RIMKLB: variants seen among roughly 807,000 people sequenced by gnomAD.
RIMKLB encodes ribosomal modification protein rimK like family member B.
Under a neutral mutation model 32.0 loss-of-function variants are expected in RIMKLB, and 7 were observed. The observed-to-expected ratio is 0.22, with a 90% confidence interval of 0.12 to 0.41. The LOEUF is 0.41. RIMKLB is among the 10% of genes least tolerant of loss of function. The pLI is 1.00. For synonymous variants in RIMKLB, 172 were observed against 185.1 expected, an observed-to-expected ratio of 0.93 and a Z score of 0.57; for missense variants, 289 against 498.7, an observed-to-expected ratio of 0.58 and a Z score of 4.00.
At chr12:8,743,420 A>G (rs184290488) in intron 2 of RIMKLB, among the ~76,000 whole-genome samples, 15 of 151,574 alleles carry the variant, frequency 9.9e-5, no homozygotes, top group Non-Finnish European at 1.5e-4. Flanking sequence ...TCAAGGATGG[A>G]ATGAAAGTAA....
intron 2 of RIMKLB, among the ~76,000 whole-genome samples, chr12:8,736,211 TC>T (rs1261395081): frequency 1.3e-5 from 2 of 152,228 alleles, no homozygotes; most frequent in Non-Finnish European, 2.9e-5. Context: ...AAGTTTGGTG[TC>T]TGCTTGAAAA....
rs867607563 is a variant in RIMKLB, at chr12:8,708,569, C to T, written c.-56-5242C>T. Among the ~76,000 whole-genome samples, 6 of 152,122 alleles carry T rather than the reference C, an allele frequency of 3.9e-5. 1 individual carries two copies. The South Asian group carries it at 1.2e-3, about 31-fold the overall frequency. On this transcript the variant is annotated intron_variant, in intron 1 of 5. Coordinates refer to ENST00000535829, the MANE Select transcript of RIMKLB (RefSeq NM_001297776.2). Reference sequence around the variant, plus strand: ...AAATTTGATCCAGTAAGAAACAACACTAAGTTTTAGATCCCAGGATGTTGA... The same window carrying T: ...AAATTTGATCCAGTAAGAAACAACATTAAGTTTTAGATCCCAGGATGTTGA...
At chr12:8,770,327 C>A (rs1044821839) in intron 5 of RIMKLB, among the ~76,000 whole-genome samples, 4 of 152,166 alleles carry the variant, frequency 2.6e-5, no homozygotes, top group Non-Finnish European at 5.9e-5. Flanking sequence ...TCTCATTGAC[C>A]TTATATTCCA....
At chr12:8,686,418 C>T (rs1474696925) in intron 1 of RIMKLB, among the ~76,000 whole-genome samples, 1 of 152,042 alleles carries the variant, frequency 6.6e-6, no homozygotes, top group Non-Finnish European at 1.5e-5. Context: ...CTCCCCACCA[C>T]AGACGCGTGA....
rs118167610 is a variant in RIMKLB, at chr12:8,742,285, C to T, written c.176-7577C>T. On this transcript the variant is annotated intron_variant, in intron 2 of 5. Coordinates refer to ENST00000535829, the MANE Select transcript of RIMKLB (RefSeq NM_001297776.2). ...TTAGCCTAAAAAGTAGAAGGGAAAG[C>T]ATGTGGATTTTAATGCTTTTCATTT... 172 of 156,686 alleles carry T rather than the reference C, an allele frequency of 1.1e-3. 3 individuals carry two copies. The highest frequency in any genetic ancestry group is 1.8e-3 in the Admixed American group (28 of 15,448). 9.7% of individuals were successfully genotyped at this position (156,686 alleles called of 1,614,324 possible). A position where few individuals can be genotyped will look rare whatever the true frequency, so the allele number is the denominator to read the frequency against.
Position 8,734,394 on chromosome 12 carries a change from T to A in RIMKLB, c.176-15468T>A, listed in dbSNP as rs1338577380. Among the ~76,000 whole-genome samples the A allele has an allele frequency of 2.0e-5, 3 of 152,338 alleles. No homozygotes were observed. The East Asian group carries it at 5.8e-4, about 29-fold the overall frequency. ...AAAGGTATTTTGAAAGTAAATATAT[T>A]GGTTCTGGTGACCTATTGACGCTTA... On this transcript the variant is annotated intron_variant, in intron 2 of 5. Transcript: ENST00000535829.
chr12:8,676,251 T>A, the RIMKLB span, among the ~76,000 whole-genome samples: 811 of 152,124 alleles, frequency 5.3e-3, 11 homozygotes, highest in African/African-American at 0.019. Flanking sequence ...TTTTTGTATT[T>A]TTTGTAGAGA....
Position 8,750,994 on chromosome 12 carries a change from T to A in RIMKLB, c.406+902T>A, listed in dbSNP as rs764088446. Among the ~76,000 whole-genome samples the A allele has an allele frequency of 3.1e-3, 474 of 152,028 alleles. 6 individuals carry two copies. Among genetic ancestry groups the A allele is most frequent in the African/African-American group, 0.011 (451 of 41,484 alleles). Reference sequence around the variant, plus strand: ...TGTCCTCTCCTTATTGTTAATATTTTAAAAAAAAGGAACTCTTCCCCCTCA... The same window carrying A: ...TGTCCTCTCCTTATTGTTAATATTTAAAAAAAAAGGAACTCTTCCCCCTCA... On this transcript the variant is annotated intron_variant, in intron 3 of 5. Coordinates refer to ENST00000535829, the MANE Select transcript of RIMKLB (RefSeq NM_001297776.2).
At chr12:8,738,608 G>C (rs1038896231) in intron 2 of RIMKLB, among the ~76,000 whole-genome samples, 4 of 152,048 alleles carry the variant, frequency 2.6e-5, no homozygotes, top group Non-Finnish European at 4.4e-5. Context: ...CTTTTTGTCT[G>C]ATTACACACA....
chr12:8,707,282 T>A (rs777795631), intron 1 of RIMKLB, among the ~76,000 whole-genome samples: 1 of 152,334 alleles, frequency 6.6e-6, no homozygotes, highest in South Asian at 2.1e-4. Context: ...GAAGGCTGAC[T>A]GGCTTTAAGT....
At position 8,773,630 on chromosome 12, in the gene RIMKLB, C is replaced by A. The variant is rs769174759; in HGVS notation, c.1007C>A (p.Pro336Gln). Reference sequence around the variant, plus strand: ...ACTAGTGAGCCGGAGCTGGGTCCCCCAGCCAGCACTGCTGTTGACAACATG... The same window carrying A: ...ACTAGTGAGCCGGAGCTGGGTCCCCAAGCCAGCACTGCTGTTGACAACATG... ...SETSEPELGP[P>Q]ASTAVDNMSA... The change falls in exon 6 of 6, where the codon CCA becomes CAA. Residue 336 changes from proline (P) to glutamine (Q), a missense_variant. Physicochemically the swap from Pro to Gln is moderately conservative, Grantham distance 76. Transcript: ENST00000535829. 3 of 1,614,156 alleles carry A rather than the reference C, an allele frequency of 1.9e-6. No individual in the cohort carries two copies. The highest frequency in any genetic ancestry group is 2.7e-5 in the African/African-American group (2 of 74,956).
intron 5 of RIMKLB, among the ~76,000 whole-genome samples, chr12:8,768,921 T>A (rs1219324831): frequency 6.6e-6 from 1 of 152,232 alleles, no homozygotes; most frequent in Non-Finnish European, 1.5e-5. Flanking sequence ...ATAGCTTTTG[T>A]ATTTTTAAAA....
At chr12:8,756,020 G>T (rs1948991252) in intron 5 of RIMKLB, among the ~76,000 whole-genome samples, 1 of 151,822 alleles carries the variant, frequency 6.6e-6, no homozygotes, top group African/African-American at 2.4e-5. Context: ...AGGTGCAGTG[G>T]CACATTCCTG....
At chr12:8,731,762 A>ACC (rs1412882142) in intron 2 of RIMKLB, among the ~76,000 whole-genome samples, 1 of 151,934 alleles carries the variant, frequency 6.6e-6, no homozygotes, top group Non-Finnish European at 1.5e-5. Flanking sequence ...CCTCTTGGAT[A>ACC]CCTGCGGATT....
intron 3 of RIMKLB, among the ~76,000 whole-genome samples, 198 bp from the exon 4 acceptor site, chr12:8,751,759 T>G (rs765362151): frequency 6.6e-6 from 1 of 152,300 alleles, no homozygotes; most frequent in South Asian, 2.1e-4. Context: ...ATGTATAGAT[T>G]AAGGGAGCTA....
intron 1 of RIMKLB, among the ~76,000 whole-genome samples, chr12:8,706,734 A>G (rs761279766): frequency 6.6e-6 from 1 of 151,738 alleles, no homozygotes; most frequent in Non-Finnish European, 1.5e-5. Context: ...GATTACCGGC[A>G]TGAACCACCA....
Position 8,698,088 on chromosome 12 carries a change from G to C in RIMKLB, c.-266G>C, listed in dbSNP as rs1943005696. 12 of 265,240 alleles carry C rather than the reference G, an allele frequency of 4.5e-5. No individual in the cohort carries two copies. The highest frequency in any genetic ancestry group is 2.9e-4 in the South Asian group (11 of 37,910). The allele number at this position is 265,240 out of a possible 1,614,324, so 16.4% of individuals were successfully genotyped here. On this transcript the variant is annotated 5_prime_UTR_variant, in exon 1 of 6. Coordinates refer to ENST00000535829, the MANE Select transcript of RIMKLB (RefSeq NM_001297776.2). The stretch of plus-strand genomic sequence containing the variant: ...TGAGGGAGAAGCTGACGGGACGCGA[G>C]GCTGTGAGAAACTGGGCGAGTGTGC...
chr12:8,671,910 T>TCAAAACAAAACAAAA, the RIMKLB span, among the ~76,000 whole-genome samples: 9,176 of 151,498 alleles, frequency 0.061, 396 homozygotes, highest in Non-Finnish European at 0.083. Context: ...AGACTCCATC[T>TCAAAACAAAACAAAA]CAAAACAAAA....
intron 2 of RIMKLB, among the ~76,000 whole-genome samples, chr12:8,745,468 C>T (rs1947993440): frequency 6.6e-6 from 1 of 151,618 alleles, no homozygotes; most frequent in South Asian, 2.1e-4. Context: ...GATCTTGGCT[C>T]ACCGCAACCT....
Sources: gnomAD v4.1 joint callset for allele counts (sites outside exome capture counted in the v4.1 genomes callset) on GRCh38, gnomAD v4.1.1 for gene constraint, MANE v1.5 for transcripts, NCBI Gene and HGNC (gene_info 2026-07-23, HGNC 2026-07-21) for gene names.